Variants in CAB39L observed in about 807,000 individuals in gnomAD.
The protein encoded by CAB39L is calcium-binding protein 39-like.
A neutral mutation model predicts 39.1 loss-of-function variants in CAB39L; 23 were observed. The observed-to-expected ratio is 0.59, with a 90% CI of 0.42 to 0.83. The LOEUF (loss-of-function observed/expected upper bound fraction) is 0.83. Among genes scored for constraint, CAB39L ranks in the 40% least tolerant of loss-of-function variants. The pLI is 0.00. For missense variants in CAB39L, 366 were observed against 391.9 expected (o/e 0.93, Z 0.56); for synonymous variants, 126 against 137.2 (o/e 0.92, Z 0.57).
At chr13:49,420,714 T>C (rs1390807473) in intron 3 of CAB39L, among the ~76,000 whole-genome samples, 1 of 152,246 alleles carries the variant, frequency 6.6e-6, no homozygotes, top group Non-Finnish European at 1.5e-5. Context: ...ATAGAATTAA[T>C]GTATCCTAGA....
chr13:49,339,657 T>C lies in CAB39L; in HGVS notation c.690+20A>G. The C allele has an allele frequency of 6.4e-7, 1 of 1,557,844 alleles. No individual in the cohort carries two copies. The highest frequency in any genetic ancestry group is 8.7e-7 in the Non-Finnish European group (1 of 1,155,754). On this transcript the variant is annotated intron_variant, in intron 9 of 10. Transcript: ENST00000409308. ...GATATAAACTTACGGGGACACTGAC[T>C]TAAAGAAATTTGATATTACCTTTAA...
At chr13:49,431,285 G>T (rs1355580673) in intron 3 of CAB39L, among the ~76,000 whole-genome samples, 1 of 152,112 alleles carries the variant, frequency 6.6e-6, no homozygotes, top group Admixed American at 6.5e-5. Context: ...TAGCGTAATT[G>T]TTCTGGGGTT....
At chr13:49,406,685 A>G (rs1455464757) in intron 3 of CAB39L, among the ~76,000 whole-genome samples, 1 of 152,134 alleles carries the variant, frequency 6.6e-6, no homozygotes, top group Non-Finnish European at 1.5e-5. Context: ...CACTCCAAAA[A>G]AATAGTTTGT....
chr13:49,372,413 G>A lies in CAB39L; in HGVS notation c.276+4554C>T, dbSNP rs368178747. 4.6e-5 allele frequency among the ~76,000 whole-genome samples: 7 copies of A among 152,162 alleles called. No homozygotes were observed. The East Asian group carries it at 1.2e-3, about 25-fold the overall frequency. ...CTCCAGTATTGTCCCTACCCCAGTG[G>A]GCCACTTTCCTCTAGATTCCTGACA... On this transcript the variant is annotated intron_variant, in intron 5 of 10. Coordinates refer to ENST00000409308, the MANE Select transcript of CAB39L (RefSeq NM_001079670.3).
intron 4 of CAB39L, among the ~76,000 whole-genome samples, chr13:49,381,898 C>T (rs557237011): frequency 2.0e-4 from 31 of 152,296 alleles, no homozygotes; most frequent in African/African-American, 5.5e-4. Flanking sequence ...ACTGCAGGCA[C>T]ATGCATATCT....
intron 5 of CAB39L, among the ~76,000 whole-genome samples, chr13:49,375,798 A>T (rs549638628): frequency 5.6e-4 from 67 of 120,068 alleles, no homozygotes; most frequent in Admixed American, 6.3e-4. Context: ...AGTATAATTT[A>T]AAAAAATTGA....
At position 49,339,658 on chromosome 13, in the gene CAB39L, T is replaced by G; in HGVS notation, c.690+19A>C. The G allele has an allele frequency of 6.4e-7, 1 of 1,558,818 alleles. No homozygotes were observed. Among genetic ancestry groups the G allele is most frequent in the East Asian group, 2.3e-5 (1 of 42,784 alleles). ...ATATAAACTTACGGGGACACTGACT[T>G]AAAGAAATTTGATATTACCTTTAAA... On this transcript the variant is annotated intron_variant, in intron 9 of 10. Coordinates refer to ENST00000409308, the MANE Select transcript of CAB39L (RefSeq NM_001079670.3).
intron 9 of CAB39L, among the ~76,000 whole-genome samples, chr13:49,338,463 G>C (rs1445657320): frequency 7.1e-6 from 1 of 140,990 alleles, no homozygotes; most frequent in Non-Finnish European, 1.5e-5. Context: ...AGATCACATG[G>C]ACACAGGAAG....
At chr13:49,432,324 C>T (rs116517815) in intron 3 of CAB39L, among the ~76,000 whole-genome samples, 362 of 152,158 alleles carry the variant, frequency 2.4e-3, no homozygotes, top group Middle Eastern at 0.01. Context: ...ATTGTAGAGA[C>T]AGGGTTTCAC....
At chr13:49,430,058 C>T (rs1320298736) in intron 3 of CAB39L, among the ~76,000 whole-genome samples, 1 of 151,922 alleles carries the variant, frequency 6.6e-6, no homozygotes, top group African/African-American at 2.4e-5. Context: ...TTTGTTTTTT[C>T]ACTCCAAAAT....
At chr13:49,368,760 T>C (rs906599348) in intron 5 of CAB39L, among the ~76,000 whole-genome samples, 2 of 152,166 alleles carry the variant, frequency 1.3e-5, no homozygotes, top group African/African-American at 2.4e-5. Flanking sequence ...GAATGAATTA[T>C]ATATATGGAA....
intron 10 of CAB39L, among the ~76,000 whole-genome samples, chr13:49,324,331 TAAATAA>T (rs1025442724): frequency 5.3e-5 from 8 of 151,582 alleles, no homozygotes; most frequent in African/African-American, 1.5e-4. Context: ...AAAAAATAAA[TAAATAA>T]AAATAAAAAT....
At chr13:49,341,285 G>A (rs763491095) in intron 8 of CAB39L, among the ~76,000 whole-genome samples, 36 of 149,816 alleles carry the variant, frequency 2.4e-4, no homozygotes, top group South Asian at 4.2e-4. Context: ...ACCAAGTCTC[G>A]CTCTGATGCC....
At chr13:49,396,215 T>C (rs1288808667) in intron 3 of CAB39L, among the ~76,000 whole-genome samples, 1 of 151,974 alleles carries the variant, frequency 6.6e-6, no homozygotes, top group African/African-American at 2.4e-5. Context: ...TCCAGAGGTA[T>C]AACCAAACTG....
intron 3 of CAB39L, among the ~76,000 whole-genome samples, chr13:49,392,373 T>C (rs1956507929): frequency 7.1e-6 from 1 of 140,882 alleles, no homozygotes; most frequent in South Asian, 2.4e-4. Flanking sequence ...AGGCGGTGGT[T>C]CACGCCTGTA....
At chr13:49,344,136 G>C (rs1360269453) in intron 8 of CAB39L, 43 bp downstream of exon 8, 1 of 1,144,598 alleles carries the variant, frequency 8.7e-7, no homozygotes, top group East Asian at 2.3e-5. Flanking sequence ...AAAAGGGAGG[G>C]AGAGAGAAAG....
chr13:49,412,314 T>C (rs1365108368), intron 3 of CAB39L, among the ~76,000 whole-genome samples: 1 of 152,052 alleles, frequency 6.6e-6, no homozygotes, highest in Non-Finnish European at 1.5e-5. Context: ...CATAAAGTGA[T>C]TATTTGTATT....
intron 10 of CAB39L, among the ~76,000 whole-genome samples, chr13:49,321,373 T>C (rs117377951): frequency 0.021 from 3,232 of 152,364 alleles, 48 homozygotes; most frequent in Non-Finnish European, 0.032. Flanking sequence ...TTCAAAAAGA[T>C]AGATATCATC....
At chr13:49,375,134 G>A (rs1287367465) in intron 5 of CAB39L, among the ~76,000 whole-genome samples, 2 of 152,054 alleles carry the variant, frequency 1.3e-5, no homozygotes, top group Non-Finnish European at 2.9e-5. Context: ...TATACAGTTT[G>A]CATTTATATT....
Sources: allele counts gnomAD v4.1 joint callset (sites outside exome capture counted in the v4.1 genomes callset), GRCh38; gene constraint gnomAD v4.1.1; transcripts MANE v1.5; gene names NCBI Gene and HGNC (gene_info 2026-07-23, HGNC 2026-07-21).